NRXN1: variants seen among roughly 807,000 people sequenced by gnomAD.
NRXN1 encodes neurexin 1, also known as neurexin-1.
A neutral mutation model predicts 150.9 loss-of-function variants in NRXN1; 39 were observed. That is an observed-to-expected ratio of 0.26 (90% CI 0.20 to 0.34). The LOEUF (loss-of-function observed/expected upper bound fraction) is 0.34, where lower values mean the gene tolerates loss of function less well. Among genes scored for constraint, NRXN1 ranks in the 10% least tolerant of loss-of-function variants. The pLI, the probability that NRXN1 is intolerant of heterozygous loss-of-function variation, is 1.00. For missense variants in NRXN1, 1,815 were observed against 1,949.9 expected, an observed-to-expected ratio of 0.93 and a Z score of 1.30; for synonymous variants, 924 against 757.0, an observed-to-expected ratio of 1.22 and a Z score of -3.62.
At chr2:50,338,829 C>A (rs144122172) in intron 17 of NRXN1, among the ~76,000 whole-genome samples, 1 of 152,066 alleles carries the variant, frequency 6.6e-6, no homozygotes, top group East Asian at 1.9e-4. Context: ...TTTTTTAGAA[C>A]AGCATCACAG....
In NRXN1 at chr2:50,922,669, A is replaced by G. The variant is rs567331600; in HGVS notation, c.809T>C (p.Met270Thr). Residue 270 changes from methionine to threonine, a missense_variant, in exon 4 of 23, where the codon ATG becomes ACG. Met to Thr is a moderately conservative substitution (Grantham distance 81, BLOSUM62 -1). Coordinates refer to ENST00000401669, the MANE Select transcript of NRXN1 (RefSeq NM_001330078.2). ...AACAGAGCCCATACCTTGGTCGCCC[A>G]TCATCAGGTGCGCCAGACCTTGAAG... ...NNVEGLAHLM[M>T]GDQGKSKGKE... The G allele has an allele frequency of 6.2e-7, 1 of 1,610,526 alleles. No homozygotes were observed. Among genetic ancestry groups the G allele is most frequent in the South Asian group, 1.1e-5 (1 of 90,564 alleles).
At chr2:50,359,604 T>A (rs531409929) in intron 17 of NRXN1, among the ~76,000 whole-genome samples, 3 of 151,938 alleles carry the variant, frequency 2.0e-5, no homozygotes, top group African/African-American at 7.2e-5. Flanking sequence ...TATATGGGAT[T>A]ATATGAAAAG....
At chr2:50,878,086 G>T (rs1296333285) in intron 5 of NRXN1, among the ~76,000 whole-genome samples, 1 of 151,918 alleles carries the variant, frequency 6.6e-6, no homozygotes, top group Non-Finnish European at 1.5e-5. Context: ...AAGTGGCTGT[G>T]AGAAGGAACA....
intron 5 of NRXN1, among the ~76,000 whole-genome samples, chr2:50,724,109 A>G (rs1373948896): frequency 6.6e-6 from 1 of 152,184 alleles, no homozygotes; most frequent in Non-Finnish European, 1.5e-5. Context: ...GTTGTGCTTA[A>G]TCATAAGATC....
chr2:50,487,078 T>C (rs1338512771), intron 15 of NRXN1, among the ~76,000 whole-genome samples: 2 of 152,174 alleles, frequency 1.3e-5, no homozygotes, highest in South Asian at 2.1e-4. Flanking sequence ...GTTAGTTTCA[T>C]CACCTGTTAC....
intron 5 of NRXN1, among the ~76,000 whole-genome samples, chr2:50,734,747 C>G (rs1409352278): frequency 6.6e-6 from 1 of 150,802 alleles, no homozygotes; most frequent in African/African-American, 2.5e-5. Flanking sequence ...ATACACATAA[C>G]CCCCCCAAAA....
At chr2:50,278,789 CA>C (rs1264586332) in intron 17 of NRXN1, among the ~76,000 whole-genome samples, 9 of 152,042 alleles carry the variant, frequency 5.9e-5, no homozygotes, top group Admixed American at 1.3e-4. Context: ...CTGAGATAAG[CA>C]ACAGCTCGAA....
At chr2:50,266,207 C>T (rs539520352) in intron 17 of NRXN1, among the ~76,000 whole-genome samples, 5 of 148,986 alleles carry the variant, frequency 3.4e-5, no homozygotes, top group South Asian at 2.1e-4. Flanking sequence ...CCATGTTGGC[C>T]GGGTTGGTCT....
At chr2:50,947,722 A>G (rs1283633423) in intron 2 of NRXN1, among the ~76,000 whole-genome samples, 2 of 152,040 alleles carry the variant, frequency 1.3e-5, no homozygotes, top group Non-Finnish European at 2.9e-5. Flanking sequence ...TTGAATGCTT[A>G]GGCAAAGGTA....
At chr2:49,996,429 A>G (rs528766431) in intron 21 of NRXN1, among the ~76,000 whole-genome samples, 1 of 152,322 alleles carries the variant, frequency 6.6e-6, no homozygotes, top group East Asian at 1.9e-4. Context: ...GGGGATTTAC[A>G]TAGTATGGTA....
chr2:50,986,794 G>T (rs1436763470), intron 2 of NRXN1, among the ~76,000 whole-genome samples: 1 of 151,110 alleles, frequency 6.6e-6, no homozygotes, highest in East Asian at 1.9e-4. Context: ...ACATAGGAAT[G>T]GAAAAAAGCA....
intron 17 of NRXN1, among the ~76,000 whole-genome samples, chr2:50,449,135 CAT>C (rs1387530298): frequency 1.3e-5 from 2 of 152,096 alleles, no homozygotes; most frequent in African/African-American, 4.8e-5. Flanking sequence ...GATTTTAGAG[CAT>C]ATTATTTCTA....
At chr2:50,229,243 C>A (rs1425769001) in intron 18 of NRXN1, among the ~76,000 whole-genome samples, 1 of 151,880 alleles carries the variant, frequency 6.6e-6, no homozygotes, top group South Asian at 2.1e-4. Context: ...GTTTTCTGGT[C>A]TTTGGCTGAC....
rs943987566 is a variant in NRXN1 at position 49,921,919 on chromosome 2, C to T, written c.*25G>A. The T allele has an allele frequency of 3.7e-6, 6 of 1,603,766 alleles. No individual in the cohort carries two copies. Among genetic ancestry groups the T allele is most frequent in the Non-Finnish European group, 5.1e-6 (6 of 1,170,856 alleles). On this transcript the variant is annotated 3_prime_UTR_variant, in exon 23 of 23. Transcript: ENST00000401669. ...AGATAAAATGAAGACTATTTCTATA[C>T]AAGTGTCCATTTAAGATCTTGGGAT...
At chr2:50,291,962 A>T (rs1422970327) in intron 17 of NRXN1, among the ~76,000 whole-genome samples, 1 of 152,112 alleles carries the variant, frequency 6.6e-6, no homozygotes, top group East Asian at 1.9e-4. Flanking sequence ...AGTGTTGTAC[A>T]CCAGGACGGT....
intron 18 of NRXN1, among the ~76,000 whole-genome samples, chr2:50,178,029 A>G (rs570016886): frequency 4.6e-4 from 70 of 152,158 alleles, no homozygotes; most frequent in Admixed American, 9.8e-4. Context: ...TCTCATATGT[A>G]AAATTTGAGG....
At chr2:50,192,240 T>G (rs1559063654) in intron 18 of NRXN1, among the ~76,000 whole-genome samples, 1 of 152,340 alleles carries the variant, frequency 6.6e-6, no homozygotes, top group Non-Finnish European at 1.5e-5. Context: ...AGAAATCTGT[T>G]AGAGAAAATA....
intron 19 of NRXN1, among the ~76,000 whole-genome samples, chr2:50,063,547 G>GACACACAC (rs3046664): frequency 0.062 from 8,521 of 137,504 alleles, 419 homozygotes; most frequent in African/African-American, 0.13. Context: ...CACCTCAACA[G>GACACACAC]ACACACACAC....
chr2:50,050,156 C>CT (rs1200015135), intron 21 of NRXN1, among the ~76,000 whole-genome samples: 17 of 65,696 alleles, frequency 2.6e-4, no homozygotes, highest in Non-Finnish European at 3.7e-4. Flanking sequence ...CAAAGCAAAA[C>CT]TTCTTTTTTT....
Sources: allele counts gnomAD v4.1 joint callset (sites outside exome capture counted in the v4.1 genomes callset), GRCh38; gene constraint gnomAD v4.1.1; transcripts MANE v1.5; gene names NCBI Gene and HGNC (gene_info 2026-07-23, HGNC 2026-07-21).